ATP6V1H: variants seen among roughly 807,000 people sequenced by gnomAD.
ATP6V1H encodes ATPase H+ transporting V1 subunit H, also known as V-type proton ATPase subunit H.
A neutral mutation model predicts 71.7 loss-of-function variants in ATP6V1H; 39 were observed. That is an observed-to-expected ratio of 0.54 (90% CI 0.42 to 0.71). The LOEUF is 0.71. ATP6V1H is among the 30% of genes least tolerant of loss of function. The pLI, the probability that ATP6V1H is intolerant of heterozygous loss-of-function variation, is 0.00. For missense variants in ATP6V1H, 509 were observed against 594.9 expected (o/e 0.86, Z 1.50); for synonymous variants, 192 against 199.3 (o/e 0.96, Z 0.31).
intron 10 of ATP6V1H, among the ~76,000 whole-genome samples, chr8:53,771,190 T>C (rs1050718922): frequency 7.2e-5 from 11 of 152,188 alleles, no homozygotes; most frequent in African/African-American, 2.4e-4. Flanking sequence ...AAGACACTTG[T>C]GCAAGGCCAC....
At chr8:53,731,426 C>G (rs1358622101) in intron 13 of ATP6V1H, among the ~76,000 whole-genome samples, 3 of 152,236 alleles carry the variant, frequency 2.0e-5, no homozygotes, top group Non-Finnish European at 4.4e-5. Flanking sequence ...TAAAAATCAA[C>G]CCCTGACCTA....
chr8:53,833,714 C>T (rs1774121996), intron 2 of ATP6V1H, among the ~76,000 whole-genome samples: 1 of 152,086 alleles, frequency 6.6e-6, no homozygotes, highest in African/African-American at 2.4e-5. Flanking sequence ...TGAAATCTTG[C>T]TTTTGATTTC....
chr8:53,756,670 T>C lies in ATP6V1H; in HGVS notation c.1176-14A>G, dbSNP rs1363068244. 3 of 1,593,372 alleles carry C rather than the reference T, an allele frequency of 1.9e-6. No individual in the cohort carries two copies. In the Admixed American group the frequency reaches 5.0e-5, roughly 27 times the overall value. ...TTTGTCAAGATTCTGAAATAAATTT[T>C]ATCCAAAGAGAGATCAAGTTCTAAT... On this transcript the variant is annotated splice_polypyrimidine_tract_variant and intron_variant, in intron 11 of 13. Coordinates refer to ENST00000359530, the MANE Select transcript of ATP6V1H (RefSeq NM_015941.4).
At chr8:53,771,034 C>T (rs1356880080) in intron 10 of ATP6V1H, among the ~76,000 whole-genome samples, 1 of 152,348 alleles carries the variant, frequency 6.6e-6, no homozygotes, top group Non-Finnish European at 1.5e-5. Context: ...GGGATTACGG[C>T]TGTACTGAAT....
chr8:53,791,495 T>C (rs947736958), intron 9 of ATP6V1H, among the ~76,000 whole-genome samples: 2 of 152,244 alleles, frequency 1.3e-5, no homozygotes, highest in South Asian at 4.1e-4. Flanking sequence ...GCCAGATTTA[T>C]GTGCTCCATT....
At chr8:53,742,186 C>G (rs1807436490) in intron 13 of ATP6V1H, among the ~76,000 whole-genome samples, 1 of 152,180 alleles carries the variant, frequency 6.6e-6, no homozygotes, top group Admixed American at 6.5e-5. Flanking sequence ...TTGCCCTTGA[C>G]CATCCTTCAT....
intron 3 of ATP6V1H, chr8:53,831,753 T>G (rs1311216321): frequency 2.0e-5 from 3 of 148,270 alleles, no homozygotes; most frequent in African/African-American, 7.5e-5. Context: ...CACTCTTTTT[T>G]TTTTTTTTTT....
rs115136135 is a variant in ATP6V1H at position 53,743,386 on chromosome 8, C to A, written c.1391+191G>T. ...TATTTTGAATATACACTCCTTGAGA[C>A]CTTTAGTGCAGTCCGTCTTTATAAA... On this transcript the variant is annotated intron_variant, in intron 13 of 13. Coordinates refer to ENST00000359530, the MANE Select transcript of ATP6V1H (RefSeq NM_015941.4). Among the ~76,000 whole-genome samples the A allele has an allele frequency of 3.7e-3, 554 of 151,548 alleles. 4 individuals are homozygous for A. The highest frequency in any genetic ancestry group is 0.013 in the African/African-American group (533 of 41,346).
At chr8:53,743,872 G>A (rs144863930) in intron 12 of ATP6V1H, among the ~76,000 whole-genome samples, 182 bp from the exon 13 acceptor site, 5 of 152,110 alleles carry the variant, frequency 3.3e-5, no homozygotes, top group Non-Finnish European at 5.9e-5. Flanking sequence ...AAATACTTTC[G>A]TTTTTGAATT....
chr8:53,820,628 T>C (rs960221110), intron 4 of ATP6V1H, among the ~76,000 whole-genome samples: 2 of 150,486 alleles, frequency 1.3e-5, no homozygotes, highest in Admixed American at 6.6e-5. Context: ...AATGGCGCCA[T>C]TGCATTCCAG....
At chr8:53,736,501 C>A (rs916928461) in intron 13 of ATP6V1H, among the ~76,000 whole-genome samples, 1 of 152,212 alleles carries the variant, frequency 6.6e-6, no homozygotes, top group South Asian at 2.1e-4. Context: ...AAAAACCAAA[C>A]CCCCATCTAC....
intron 8 of ATP6V1H, among the ~76,000 whole-genome samples, chr8:53,796,290 T>A (rs1003704537): frequency 6.6e-5 from 10 of 152,098 alleles, no homozygotes; most frequent in Non-Finnish European, 1.3e-4. Context: ...AATTACTGAA[T>A]TCGGGGGTCA....
In ATP6V1H at chr8:53,814,739, C is replaced by T. The variant is rs754543287; in HGVS notation, c.448G>A (p.Ala150Thr). 3.7e-6 allele frequency: 6 copies of T among 1,612,102 alleles called. No individual in the cohort carries two copies. In the Admixed American group the frequency reaches 1.0e-4, roughly 27 times the overall value. The change falls in exon 6 of 14, where the codon GCT becomes ACT. Residue 150 changes from alanine (A) to threonine (T), a missense_variant. Ala to Thr is a moderately conservative substitution (Grantham distance 58, BLOSUM62 0). Coordinates refer to ENST00000359530, the MANE Select transcript of ATP6V1H (RefSeq NM_015941.4). ...MAARIIAKLA[A>T]WGKELMEGSD... ...CCTTCCATCAGTTCTTTTCCCCAAGCTGCTAACTTGGCAATAATTCTTGCT... is the reference window on the plus strand; with the variant it reads ...CCTTCCATCAGTTCTTTTCCCCAAGTTGCTAACTTGGCAATAATTCTTGCT...
At chr8:53,776,850 G>A (rs1019233556) in intron 9 of ATP6V1H, among the ~76,000 whole-genome samples, 1 of 152,124 alleles carries the variant, frequency 6.6e-6, no homozygotes, top group African/African-American at 2.4e-5. Flanking sequence ...AAAGTTCAGT[G>A]GAGACACAGA....
intron 9 of ATP6V1H, among the ~76,000 whole-genome samples, chr8:53,775,409 T>A (rs1284680203): frequency 2.6e-5 from 4 of 152,242 alleles, no homozygotes; most frequent in Non-Finnish European, 5.9e-5. Context: ...TATTCTCTTA[T>A]CTGGCCCCAC....
At chr8:53,732,087 C>T (rs1324923473) in intron 13 of ATP6V1H, among the ~76,000 whole-genome samples, 2 of 152,202 alleles carry the variant, frequency 1.3e-5, no homozygotes, top group South Asian at 2.1e-4. Context: ...TTTATTGGCA[C>T]TTTGGTTTTG....
chr8:53,742,643 A>G (rs1400699531), intron 13 of ATP6V1H, among the ~76,000 whole-genome samples: 1 of 152,222 alleles, frequency 6.6e-6, no homozygotes, highest in Non-Finnish European at 1.5e-5. Context: ...CATAAATGTC[A>G]TTATTTATGA....
intron 11 of ATP6V1H, among the ~76,000 whole-genome samples, chr8:53,766,215 G>C (rs977704872): frequency 6.6e-6 from 1 of 152,194 alleles, no homozygotes; most frequent in Admixed American, 6.5e-5. Context: ...ACATTTATTA[G>C]TTCCCCAAAT....
Position 53,766,578 on chromosome 8 carries a change from A to G in ATP6V1H, c.1175+3040T>C, listed in dbSNP as rs572540151. ...ACAGAGCCGTATTTCTCCTCTTTTA[A>G]AAGCAAATGGGAGAAATATCGCTGA... On this transcript the variant is annotated intron_variant, in intron 11 of 13. Transcript: ENST00000359530. 2.2e-3 allele frequency among the ~76,000 whole-genome samples: 336 copies of G among 152,330 alleles called. 2 individuals are homozygous for G. Among genetic ancestry groups the G allele is most frequent in the African/African-American group, 7.8e-3 (325 of 41,576 alleles).
Sources: allele counts gnomAD v4.1 joint callset (sites outside exome capture counted in the v4.1 genomes callset), GRCh38; gene constraint gnomAD v4.1.1; transcripts MANE v1.5; gene names NCBI Gene and HGNC (gene_info 2026-07-23, HGNC 2026-07-21).